SPEG: variants seen among roughly 807,000 people sequenced by gnomAD.
SPEG encodes striated muscle enriched protein kinase.
SPEG carries 114 observed loss-of-function variants against 300.4 expected under a neutral mutation model. That is an observed-to-expected ratio of 0.38 (90% CI 0.33 to 0.44). The LOEUF (loss-of-function observed/expected upper bound fraction) is 0.44, where lower values mean the gene tolerates loss of function less well. Among genes scored for constraint, SPEG ranks in the 20% least tolerant of loss-of-function variants. SPEG has a pLI of 1.00. For missense variants in SPEG, 4,201 were observed against 4,586.2 expected, an observed-to-expected ratio of 0.92 and a Z score of 2.43; for synonymous variants, 1,964 against 2,018.9, an observed-to-expected ratio of 0.97 and a Z score of 0.73.
chr2:219,467,100 C>T (rs563581578), intron 9 of SPEG, 74 bp from the exon 10 acceptor site: 18 of 1,456,426 alleles, frequency 1.2e-5, no homozygotes, highest in South Asian at 2.7e-5. Context: ...TCTCTCTGTG[C>T]GTGCGTATGT....
In SPEG at chr2:219,468,993, C is replaced by T. The variant is rs1230050647; in HGVS notation, c.3436C>T (p.His1146Tyr). The T allele has an allele frequency of 6.2e-7, 1 of 1,613,926 alleles. No homozygotes were observed. Among genetic ancestry groups the T allele is most frequent in the Non-Finnish European group, 8.5e-7 (1 of 1,179,998 alleles). Residue 1146 changes from histidine to tyrosine, a missense_variant, in exon 12 of 41, where the codon CAC (histidine) becomes TAC (tyrosine). Physicochemically the swap from His to Tyr is moderately conservative, Grantham distance 83. Transcript: ENST00000312358. ...VSAVNTHGQA[H>Y]CSAQLYVEEP... is the part of the protein sequence containing the mutation. ...TGCTGTTAACACCCATGGCCAGGCCCACTGCTCAGCCCAGCTGTATGTAGA... is the reference window on the plus strand; with the variant it reads ...TGCTGTTAACACCCATGGCCAGGCCTACTGCTCAGCCCAGCTGTATGTAGA...
intron 29 of SPEG, 24 bp downstream of exon 29, chr2:219,482,876 G>C: frequency 6.2e-7 from 1 of 1,610,128 alleles, no homozygotes; most frequent in Non-Finnish European, 8.5e-7. Flanking sequence ...GCCAGCCTCT[G>C]TGCTTTCCAC....
At chr2:219,446,975 CTT>C (rs61280107) in intron 3 of SPEG, among the ~76,000 whole-genome samples, 3 of 122,240 alleles carry the variant, frequency 2.5e-5, no homozygotes, top group African/African-American at 9.4e-5. Context: ...CATTTAATTC[CTT>C]TTTTTTTTTT....
At chr2:219,489,258 G>T in intron 35 of SPEG, 37 bp downstream of exon 35, 2 of 1,613,180 alleles carry the variant, frequency 1.2e-6, no homozygotes, top group Non-Finnish European at 1.7e-6. Context: ...GAGGAAGGGG[G>T]CTCTGAGCCT....
chr2:219,439,967 C>G lies in SPEG; in HGVS notation c.388+4602C>G, dbSNP rs1299253246. Reference sequence around the variant, plus strand: ...TCTGGCTGGAACGAGTGTGGACACACATATGTGCCCTCTCAGCACACGTCC... The same window carrying G: ...TCTGGCTGGAACGAGTGTGGACACAGATATGTGCCCTCTCAGCACACGTCC... On this transcript the variant is annotated intron_variant, in intron 1 of 40. Coordinates refer to ENST00000312358, the MANE Select transcript of SPEG (RefSeq NM_005876.5). This position sits in a 1 kb window ranked among gnomAD's most constrained non-coding sequence, Gnocchi z 4.5. 6.6e-6 allele frequency among the ~76,000 whole-genome samples: 1 copy of G among 152,220 alleles called. No individual in the cohort carries two copies. The highest frequency in any genetic ancestry group is 1.5e-5 in the Non-Finnish European group (1 of 68,044).
chr2:219,483,182 A>G lies in SPEG; in HGVS notation c.5719A>G (p.Thr1907Ala), dbSNP rs1289967484. ...GGCCCCCCCAGAGCGGGTGTGGGTG[A>G]CCATGCCCAGAAGGCCACCCCCCAG... ...LRAPPERVWV[T>A]MPRRPPPSGG... The change falls in exon 30 of 41, where the codon ACC becomes GCC. Residue 1907 changes from threonine (T) to alanine (A), a missense_variant. Around this residue, in one of 4 missense-constraint regions of SPEG, gnomAD observed 1,578 missense variants for 1,506.0 expected, o/e 1.05. Transcript: ENST00000312358. 1.2e-6 allele frequency: 2 copies of G among 1,609,692 alleles called. No homozygotes were observed. Among genetic ancestry groups the G allele is most frequent in the African/African-American group, 1.3e-5 (1 of 74,958 alleles).
chr2:219,484,012 C>T lies in SPEG; in HGVS notation c.6549C>T (p.Ala2183=). 1 of 1,613,072 alleles carries T rather than the reference C, an allele frequency of 6.2e-7. No individual in the cohort carries two copies. The highest frequency in any genetic ancestry group is 1.1e-5 in the South Asian group (1 of 91,078). ...CATCCAGCCCTGCACGGCCCAGCGC[C>T]CCCAAACCCAGTACCCCTAAGTCTG... ...AQPSSPARPS[A]PKPSTPKSAE... is the part of the protein sequence containing the mutation. Residue 2183 remains alanine, a synonymous_variant, in exon 30 of 41, where the codon GCC becomes GCT. Coordinates refer to ENST00000312358, the MANE Select transcript of SPEG (RefSeq NM_005876.5).
Position 219,451,410 on chromosome 2 carries a change from G to C in SPEG, c.2257+131G>C. On this transcript the variant is annotated intron_variant, in intron 5 of 40. Coordinates refer to ENST00000312358, the MANE Select transcript of SPEG (RefSeq NM_005876.5). This position sits in a 1 kb window ranked among gnomAD's most constrained non-coding sequence, Gnocchi z 6.4. Reference sequence around the variant, plus strand: ...GGGAATTATCCCCTCCACGGGGGCTGCCCTGACTTGGGTGTGTGTTCAGGG... The same window carrying C: ...GGGAATTATCCCCTCCACGGGGGCTCCCCTGACTTGGGTGTGTGTTCAGGG... The C allele has an allele frequency of 7.6e-7, 1 of 1,311,294 alleles. No individual in the cohort carries two copies. Among genetic ancestry groups the C allele is most frequent in the Admixed American group, 2.9e-5 (1 of 34,764 alleles). The allele number at this position is 1,311,294 out of a possible 1,614,324, so 81.2% of individuals were successfully genotyped here.
At chr2:219,455,845 C>A (rs181883048) in intron 6 of SPEG, among the ~76,000 whole-genome samples, 3 of 152,318 alleles carry the variant, frequency 2.0e-5, no homozygotes, top group Admixed American at 1.3e-4. Flanking sequence ...CCGTGCGCCC[C>A]GAGAGGAGGC....
chr2:219,489,166 T>G lies in SPEG; in HGVS notation c.8262T>G (p.Ala2754=). 6.2e-7 allele frequency: 1 copy of G among 1,614,004 alleles called. No individual in the cohort carries two copies. The highest frequency in any genetic ancestry group is 1.7e-5 in the Admixed American group (1 of 60,016). The stretch of plus-strand genomic sequence containing the variant: ...TCCGTGTGGCCTGTGCCAACCGTGC[T>G]GGGCAGGGGCCCTTCAGCAACTCTT... The part of the protein sequence containing the change: ...VRFRVACANR[A]GQGPFSNSSE... Residue 2754 remains alanine, a synonymous_variant, in exon 35 of 41, where the codon GCT becomes GCG. Coordinates refer to ENST00000312358, the MANE Select transcript of SPEG (RefSeq NM_005876.5).
At position 219,448,700 on chromosome 2, in the gene SPEG, C is replaced by G. The variant is rs1305889678; in HGVS notation, c.1542C>G (p.His514Gln). Residue 514 changes from histidine (H) to glutamine (Q), a missense_variant, in exon 4 of 41, where the codon CAC becomes CAG. Around this residue, in one of 4 missense-constraint regions of SPEG, gnomAD observed 1,258 missense variants for 1,293.9 expected, o/e 0.97. Coordinates refer to ENST00000312358, the MANE Select transcript of SPEG (RefSeq NM_005876.5). ...STSREELVRS[H>Q]ESLRATLQRA... ...CGCGGGAGGAGCTGGTGCGCTCGCA[C>G]GAGTCCCTGCGCGCCACGCTGCAGC... 4.0e-6 allele frequency: 6 copies of G among 1,493,450 alleles called. No homozygotes were observed. The highest frequency in any genetic ancestry group is 2.2e-5 in the Admixed American group (1 of 45,910). The allele number at this position is 1,493,450 out of a possible 1,614,324, so 92.5% of individuals were successfully genotyped here. A position where few individuals can be genotyped will look rare whatever the true frequency, so the allele number is the denominator to read the frequency against.
Position 219,489,605 on chromosome 2 carries a change from C to T in SPEG, c.8587C>T (p.Pro2863Ser). The T allele has an allele frequency of 6.2e-7, 1 of 1,613,816 alleles. No individual in the cohort carries two copies. Among genetic ancestry groups the T allele is most frequent in the Non-Finnish European group, 8.5e-7 (1 of 1,179,988 alleles). Residue 2863 changes from proline to serine, a missense_variant, in exon 36 of 41, where the codon CCC becomes TCC. Transcript: ENST00000312358. ...TGCCCGGCCAGCGGAGCCCACCCTA[C>T]CCAGTACCCACGTCACCCCAAGTGA... is the stretch of plus-strand genomic sequence containing the variant. ...QAARPAEPTL[P>S]STHVTPSEPK...
Position 219,480,574 on chromosome 2 carries a change from G to A in SPEG, c.5343-97G>A. The A allele has an allele frequency of 1.6e-6, 2 of 1,254,106 alleles. No individual in the cohort carries two copies. Among genetic ancestry groups the A allele is most frequent in the Non-Finnish European group, 2.3e-6 (2 of 853,768 alleles). 77.7% of individuals were successfully genotyped at this position (1,254,106 alleles called of 1,614,324 possible). ...CATTGTCCATGGCAGTGTTCCCAGG[G>A]AGGTAACAGCTCACTCAGGTCAGCA... On this transcript the variant is annotated intron_variant, in intron 25 of 40. Transcript: ENST00000312358. This position sits in a 1 kb window ranked among gnomAD's most constrained non-coding sequence, Gnocchi z 5.3.
At position 219,448,704 on chromosome 2, in the gene SPEG, T is replaced by A. The variant is rs1031311432; in HGVS notation, c.1546T>A (p.Ser516Thr). ...GGAGGAGCTGGTGCGCTCGCACGAG[T>A]CCCTGCGCGCCACGCTGCAGCGTGC... ...SREELVRSHESLRATLQRAPS... is the reference protein window; with the variant it reads ...SREELVRSHETLRATLQRAPS... The change falls in exon 4 of 41, where the codon TCC (serine) becomes ACC (threonine). Residue 516 changes from serine to threonine, a missense_variant. Physicochemically the swap from Ser to Thr is moderately conservative, Grantham distance 58. Around this residue, in one of 4 missense-constraint regions of SPEG, gnomAD observed 1,258 missense variants for 1,293.9 expected, o/e 0.97. Coordinates refer to ENST00000312358, the MANE Select transcript of SPEG (RefSeq NM_005876.5). 40 of 1,492,166 alleles carry A rather than the reference T, an allele frequency of 2.7e-5. No individual in the cohort carries two copies. In the East Asian group the frequency reaches 1.1e-3, roughly 40 times the overall value. The allele number at this position is 1,492,166 out of a possible 1,614,324, so 92.4% of individuals were successfully genotyped here. A position where few individuals can be genotyped will look rare whatever the true frequency, so the allele number is the denominator to read the frequency against.
At chr2:219,492,445 G>A (rs546146703) in intron 40 of SPEG, 149 bp from the exon 41 acceptor site, 16 of 1,065,348 alleles carry the variant, frequency 1.5e-5, no homozygotes, top group African/African-American at 9.5e-5. Context: ...TCCCCATTCC[G>A]GAGACTGGGG....
intron 6 of SPEG, 149 bp from the exon 7 acceptor site, chr2:219,461,733 C>T (rs1393488166): frequency 1.1e-5 from 10 of 923,118 alleles, no homozygotes; most frequent in South Asian, 3.1e-5. Flanking sequence ...AGAAGCTGGG[C>T]GAGGTCGCAG....
Position 219,490,501 on chromosome 2 carries a change from G to T in SPEG, c.9014G>T (p.Arg3005Leu), listed in dbSNP as rs756996353. ...GTGCCCTATGCTGCCGAGGGCAAGCGGCGGGTCCTGCAGGAGTACGAGGTG... is the reference window on the plus strand; with the variant it reads ...GTGCCCTATGCTGCCGAGGGCAAGCTGCGGGTCCTGCAGGAGTACGAGGTG... ...KIVPYAAEGKRRVLQEYEVLR... is the reference protein window; with the variant it reads ...KIVPYAAEGKLRVLQEYEVLR... The change falls in exon 37 of 41, where the codon CGG (arginine) becomes CTG (leucine). Residue 3005 changes from arginine (R) to leucine (L), a missense_variant. By Grantham distance (102) the Arg-to-Leu change is moderately radical. Coordinates refer to ENST00000312358, the MANE Select transcript of SPEG (RefSeq NM_005876.5). 2.5e-6 allele frequency: 4 copies of T among 1,612,316 alleles called. No individual in the cohort carries two copies. Among genetic ancestry groups the T allele is most frequent in the Non-Finnish European group, 3.4e-6 (4 of 1,179,998 alleles).
At chr2:219,454,906 C>T (rs1158887145) in intron 6 of SPEG, among the ~76,000 whole-genome samples, 1 of 152,132 alleles carries the variant, frequency 6.6e-6, no homozygotes, top group Non-Finnish European at 1.5e-5. Context: ...CCAGCCTGGC[C>T]AACATGGCAA....
In SPEG at chr2:219,443,960, G is replaced by T; in HGVS notation, c.389-693G>T. 2 of 1,297,892 alleles carry T rather than the reference G, an allele frequency of 1.5e-6. No homozygotes were observed. The highest frequency in any genetic ancestry group is 1.5e-5 in the African/African-American group (1 of 66,482). The allele number at this position is 1,297,892 out of a possible 1,614,324, so 80.4% of individuals were successfully genotyped here. On this transcript the variant is annotated intron_variant, in intron 1 of 40. Coordinates refer to ENST00000312358, the MANE Select transcript of SPEG (RefSeq NM_005876.5). The surrounding 1 kb of genome is among the most constrained non-coding windows in gnomAD (Gnocchi z 4.6). ...CCCTTCTGTCTTGACTGCCCTCCAT[G>T]CCCTGCCCCACAAACGCTCTGATAA...
Sources: gnomAD v4.1 joint callset for allele counts (sites outside exome capture counted in the v4.1 genomes callset) on GRCh38, gnomAD v4.1.1 for gene constraint, gnomAD v4.1.1 regional missense constraint, Gnocchi (gnomAD v3.1) non-coding constraint, MANE v1.5 for transcripts, NCBI Gene and HGNC (gene_info 2026-07-23, HGNC 2026-07-21) for gene names.